Variants in ST8SIA5 observed in about 807,000 individuals in gnomAD.
ST8SIA5 encodes the protein alpha-2,8-sialyltransferase 8E.
In ST8SIA5, 24 loss-of-function variants were observed where a neutral mutation model predicts 40.2. The observed-to-expected ratio is 0.60, with a 90% CI of 0.43 to 0.84. ST8SIA5 has a LOEUF of 0.84. Among genes scored for constraint, ST8SIA5 ranks in the 40% least tolerant of loss-of-function variants. The pLI, the probability that ST8SIA5 is intolerant of heterozygous loss-of-function variation, is 0.00. For synonymous variants in ST8SIA5, 198 were observed against 201.8 expected (o/e 0.98, Z 0.16); for missense variants, 465 against 498.5 (o/e 0.93, Z 0.64).
intron 1 of ST8SIA5, among the ~76,000 whole-genome samples, chr18:46,730,732 T>C (rs1158606733): frequency 2.0e-5 from 3 of 151,372 alleles, no homozygotes; most frequent in African/African-American, 7.3e-5. Flanking sequence ...GCACAGGAGG[T>C]TGAGGCTGCA....
chr18:46,722,768 C>A (rs1411324375), intron 1 of ST8SIA5, among the ~76,000 whole-genome samples: 1 of 152,204 alleles, frequency 6.6e-6, no homozygotes, highest in East Asian at 1.9e-4. Flanking sequence ...CCAATGTCTA[C>A]TGGGGGCAAA....
intron 3 of ST8SIA5, 42 bp downstream of exon 3, chr18:46,692,127 G>A (rs532849): frequency 0.074 from 117,841 of 1,598,728 alleles, 6,187 homozygotes; most frequent in East Asian, 0.3. Context: ...GCAGTGAGGA[G>A]AATCATACAA....
chr18:46,684,154 C>T (rs1054958499), intron 5 of ST8SIA5, among the ~76,000 whole-genome samples: 4 of 152,200 alleles, frequency 2.6e-5, no homozygotes, highest in African/African-American at 9.7e-5. Flanking sequence ...TGTGCTCTCA[C>T]AGATCTTAAC....
Position 46,756,640 on chromosome 18 carries a change from G to A in ST8SIA5, c.-132C>T. ...GGTCAGGCAGGCGGGGGACTTCGAGGGGCAAAGTTTCTGGTTGGCGCGGCC... is the reference window on the plus strand; with the variant it reads ...GGTCAGGCAGGCGGGGGACTTCGAGAGGCAAAGTTTCTGGTTGGCGCGGCC... On this transcript the variant is annotated 5_prime_UTR_variant, in exon 1 of 7. Coordinates refer to ENST00000315087, the MANE Select transcript of ST8SIA5 (RefSeq NM_013305.6). 1 of 1,126,500 alleles carries A rather than the reference G, an allele frequency of 8.9e-7. No individual in the cohort carries two copies. The highest frequency in any genetic ancestry group is 1.2e-6 in the Non-Finnish European group (1 of 815,756). The allele number at this position is 1,126,500 out of a possible 1,614,324, so 69.8% of individuals were successfully genotyped here.
rs1490400274 is a variant in ST8SIA5 at position 46,675,450 on chromosome 18, G to A, written c.*4592C>T. On this transcript the variant is annotated 3_prime_UTR_variant, in exon 7 of 7. Coordinates refer to ENST00000315087, the MANE Select transcript of ST8SIA5 (RefSeq NM_013305.6). ...TCAGATTGTTCTTTTAACTATACCA[G>A]TTGAGGACATGTTGAGGTCTGAGAT... 1 of 152,194 alleles carries A rather than the reference G, an allele frequency of 6.6e-6. No individual in the cohort carries two copies. The highest frequency in any genetic ancestry group is 1.5e-5 in the Non-Finnish European group (1 of 68,042). 9.4% of individuals were successfully genotyped at this position (152,194 alleles called of 1,614,324 possible). A position where few individuals can be genotyped will look rare whatever the true frequency, so the allele number is the denominator to read the frequency against.
intron 1 of ST8SIA5, among the ~76,000 whole-genome samples, chr18:46,753,884 G>A (rs1297575111): frequency 6.6e-6 from 1 of 152,084 alleles, no homozygotes; most frequent in Non-Finnish European, 1.5e-5. Flanking sequence ...AGATCGCCTG[G>A]GGAGCTTGTT....
intron 2 of ST8SIA5, among the ~76,000 whole-genome samples, chr18:46,701,302 A>G (rs2447526): frequency 0.068 from 10,262 of 151,620 alleles, 822 homozygotes; most frequent in East Asian, 0.37. Context: ...CACCATGCCT[A>G]GCTAATTTTT....
intron 3 of ST8SIA5, among the ~76,000 whole-genome samples, chr18:46,690,905 C>T (rs2039498849): frequency 6.6e-6 from 1 of 152,168 alleles, no homozygotes; most frequent in African/African-American, 2.4e-5. Context: ...CGTGAGCCAC[C>T]ATGCCTGGTC....
intron 1 of ST8SIA5, among the ~76,000 whole-genome samples, chr18:46,742,089 A>G (rs1229028691): frequency 6.6e-6 from 1 of 151,856 alleles, no homozygotes; most frequent in African/African-American, 2.4e-5. Context: ...TGCCAGAGCG[A>G]CGCTCCATGT....
intron 1 of ST8SIA5, among the ~76,000 whole-genome samples, chr18:46,725,972 A>AAAAAAAAATAT (rs59660372): frequency 1.4e-4 from 4 of 29,090 alleles, no homozygotes; most frequent in Non-Finnish European, 2.4e-4. Context: ...AAAAAAAAAA[A>AAAAAAAAATAT]ATATATATAT....
chr18:46,674,843 G>A lies in ST8SIA5; in HGVS notation c.*5199C>T, dbSNP rs1272160090. The A allele has an allele frequency of 6.6e-6, 1 of 152,452 alleles. No individual in the cohort carries two copies. Among genetic ancestry groups the A allele is most frequent in the Non-Finnish European group, 1.5e-5 (1 of 68,250 alleles). The allele number at this position is 152,452 out of a possible 1,614,324, so 9.4% of individuals were successfully genotyped here. Reference sequence around the variant, plus strand: ...ATAAAAGGAAGGAGAGAGGAACTTAGGAGTGTGAGGGCCATTCCAGGTGTT... The same window carrying A: ...ATAAAAGGAAGGAGAGAGGAACTTAAGAGTGTGAGGGCCATTCCAGGTGTT... On this transcript the variant is annotated 3_prime_UTR_variant, in exon 7 of 7. Transcript: ENST00000315087.
At chr18:46,730,331 G>T in intron 1 of ST8SIA5, 1 of 840,812 alleles carries the variant, frequency 1.2e-6, no homozygotes, top group Non-Finnish European at 1.4e-6. Context: ...CAAAGGGGAT[G>T]AATAATCCTC....
intron 1 of ST8SIA5, among the ~76,000 whole-genome samples, chr18:46,710,417 T>TTCTTTCTTTCTTTC (rs1166568029): frequency 1.1e-5 from 1 of 90,384 alleles, no homozygotes; most frequent in Non-Finnish European, 2.5e-5. Flanking sequence ...CTTTCTTTCT[T>TTCTTTCTTTCTTTC]TTTCTTTCTC....
intron 1 of ST8SIA5, 78 bp from the exon 2 acceptor site, chr18:46,704,742 T>G (rs1599117114): frequency 8.5e-7 from 1 of 1,181,466 alleles, no homozygotes; most frequent in Admixed American, 1.7e-5. Context: ...TGTTGCAGGG[T>G]GGAGTGTCTG....
rs545794279 is a variant in ST8SIA5 at position 46,700,825 on chromosome 18, T to C, written c.224+3747A>G. On this transcript the variant is annotated intron_variant, in intron 2 of 6. Transcript: ENST00000315087. ...CCCAAACACCACCAATGGGAGTCCATAACAGGGACAAGTGATGGCAAGTGG... is the reference window on the plus strand; with the variant it reads ...CCCAAACACCACCAATGGGAGTCCACAACAGGGACAAGTGATGGCAAGTGG... Among the ~76,000 whole-genome samples the C allele has an allele frequency of 7.9e-5, 12 of 152,192 alleles. No individual in the cohort carries two copies. The East Asian group carries it at 2.1e-3, about 27-fold the overall frequency.
chr18:46,709,914 A>G (rs1222347230), intron 1 of ST8SIA5, among the ~76,000 whole-genome samples: 1 of 152,134 alleles, frequency 6.6e-6, no homozygotes, highest in South Asian at 2.1e-4. Context: ...TCTTCTAACT[A>G]TCTCAAGCTT....
At chr18:46,724,943 C>A (rs551775841) in intron 1 of ST8SIA5, among the ~76,000 whole-genome samples, 23 of 148,938 alleles carry the variant, frequency 1.5e-4, no homozygotes, top group Non-Finnish European at 3.1e-4. Context: ...CCACTGCACT[C>A]CAGCCTGGGT....
chr18:46,700,305 A>T (rs532349929), intron 2 of ST8SIA5, among the ~76,000 whole-genome samples: 1 of 152,324 alleles, frequency 6.6e-6, no homozygotes, highest in East Asian at 1.9e-4. Context: ...CTGTCTCCTC[A>T]AACAAAACAC....
chr18:46,732,674 C>T (rs1361211635), intron 1 of ST8SIA5, among the ~76,000 whole-genome samples: 9 of 152,184 alleles, frequency 5.9e-5, no homozygotes, highest in African/African-American at 1.7e-4. Context: ...CATTCACAAA[C>T]GTTGCTATTT....
Sources: gnomAD v4.1 joint callset for allele counts (sites outside exome capture counted in the v4.1 genomes callset) on GRCh38, gnomAD v4.1.1 for gene constraint, MANE v1.5 for transcripts, NCBI Gene and HGNC (gene_info 2026-07-23, HGNC 2026-07-21) for gene names.